DCDC1: variants seen among roughly 807,000 people sequenced by gnomAD.
DCDC1 encodes the protein doublecortin domain containing 1.
In DCDC1, 200 loss-of-function variants were observed where a neutral mutation model predicts 178.3. The ratio of observed to expected loss-of-function variants is 1.12; its 90% confidence interval spans 1.00 to 1.26. DCDC1 has a LOEUF of 1.26. Among genes scored for constraint, DCDC1 ranks in the 50% most tolerant of loss-of-function variants. The probability of loss-of-function intolerance (pLI) is 0.00; values close to 1 mark genes in which losing one functional copy is unlikely to be tolerated. For synonymous variants in DCDC1, 690 were observed against 604.8 expected, an observed-to-expected ratio of 1.14 and a Z score of -2.07; for missense variants, 1,983 against 1,749.2, an observed-to-expected ratio of 1.13 and a Z score of -2.38.
chr11:31,138,106 A>T (rs1963378793), intron 9 of DCDC1, among the ~76,000 whole-genome samples: 1 of 152,198 alleles, frequency 6.6e-6, no homozygotes, highest in Non-Finnish European at 1.5e-5. Flanking sequence ...TTTAAAAAAA[A>T]ATTAGGTTAA....
In DCDC1 at chr11:31,168,707, G is replaced by A. The variant is rs976738844; in HGVS notation, c.1222-30923C>T. Among the ~76,000 whole-genome samples the A allele has an allele frequency of 8.5e-5, 13 of 152,062 alleles. No individual in the cohort carries two copies. In the East Asian group the frequency reaches 1.9e-3, roughly 23 times the overall value. On this transcript the variant is annotated intron_variant, in intron 9 of 38. Coordinates refer to ENST00000684477, the MANE Select transcript of DCDC1 (RefSeq NM_001387274.1). ...CACTATAACTTAGTGGAATCTCTTCGTATCACTATGCCTCAGTTTTCTCAC... is the reference window on the plus strand; with the variant it reads ...CACTATAACTTAGTGGAATCTCTTCATATCACTATGCCTCAGTTTTCTCAC...
intron 20 of DCDC1, among the ~76,000 whole-genome samples, chr11:31,042,203 G>A (rs764071514): frequency 3.9e-5 from 6 of 152,192 alleles, no homozygotes; most frequent in African/African-American, 7.2e-5. Context: ...AACTATCTGA[G>A]TGGCCATAGA....
chr11:31,271,838 G>A (rs1209052288), intron 7 of DCDC1, among the ~76,000 whole-genome samples: 1 of 152,054 alleles, frequency 6.6e-6, no homozygotes, highest in East Asian at 1.9e-4. Context: ...CAGAGAGAGA[G>A]CTTCTGCAGG....
chr11:30,881,383 C>A, intron 36 of DCDC1, 75 bp from the exon 37 acceptor site: 1 of 1,524,824 alleles, frequency 6.6e-7, no homozygotes, highest in Non-Finnish European at 8.9e-7. Context: ...ACCAACTCTT[C>A]TGAGAAAACT....
chr11:31,061,748 C>A (rs1955933869), intron 20 of DCDC1, among the ~76,000 whole-genome samples: 2 of 152,008 alleles, frequency 1.3e-5, no homozygotes, highest in South Asian at 2.1e-4. Context: ...ATTAAAAATT[C>A]TTTTCTATCT....
intron 7 of DCDC1, among the ~76,000 whole-genome samples, chr11:31,266,440 T>C (rs1209418305): frequency 6.6e-6 from 1 of 152,212 alleles, no homozygotes; most frequent in Non-Finnish European, 1.5e-5. Flanking sequence ...TCAGGTAACC[T>C]GAGGCAGGTT....
At chr11:31,335,371 GC>G (rs968566480) in intron 2 of DCDC1, 75 bp downstream of exon 2, 1 of 152,256 alleles carries the variant, frequency 6.6e-6, no homozygotes, top group African/African-American at 2.4e-5. Context: ...GTGAGGCAAT[GC>G]CCCGCCCTGC....
In DCDC1 at chr11:31,265,487, A is replaced by G. The variant is rs2137109752; in HGVS notation, c.1054+20T>C. ...CTTTCAAAATATTATCAAATGGTTT[A>G]CAAAATCTTTGCCACTTACCTTTTG... On this transcript the variant is annotated intron_variant, in intron 8 of 38. Transcript: ENST00000684477. The G allele has an allele frequency of 7.6e-7, 1 of 1,309,112 alleles. No individual in the cohort carries two copies. The highest frequency in any genetic ancestry group is 2.8e-5 in the East Asian group (1 of 36,204). The allele number at this position is 1,309,112 out of a possible 1,614,324, so 81.1% of individuals were successfully genotyped here.
intron 21 of DCDC1, among the ~76,000 whole-genome samples, chr11:30,942,482 T>C (rs1486832635): frequency 6.6e-6 from 1 of 152,134 alleles, no homozygotes; most frequent in Non-Finnish European, 1.5e-5. Flanking sequence ...AGCTAATATA[T>C]CTCTTTCTTT....
chr11:30,908,954 C>A lies in DCDC1; in HGVS notation c.3910G>T (p.Asp1304Tyr). 1 of 1,594,136 alleles carries A rather than the reference C, an allele frequency of 6.3e-7. No homozygotes were observed. Among genetic ancestry groups the A allele is most frequent in the South Asian group, 1.1e-5 (1 of 87,292 alleles). ...TSSVIKEENI[D>Y]QPGYCYLSPD... ...AGGAAGGAACCACTTACTGGTTGAT[C>A]AATGTTTTCTTCTTTAATCACAGAT... The change falls in exon 29 of 39, where the codon GAT becomes TAT. Residue 1304 changes from aspartate to tyrosine, a missense_variant. Transcript: ENST00000684477.
chr11:31,054,028 A>G (rs1955430186), intron 20 of DCDC1, among the ~76,000 whole-genome samples: 1 of 152,114 alleles, frequency 6.6e-6, no homozygotes, highest in South Asian at 2.1e-4. Context: ...GAGGAAGTCA[A>G]ACTGTCACTG....
At chr11:31,358,528 G>A (rs1006438566) in intron 1 of DCDC1, among the ~76,000 whole-genome samples, 1 of 151,542 alleles carries the variant, frequency 6.6e-6, no homozygotes, top group Non-Finnish European at 1.5e-5. Context: ...ATAGGCATGG[G>A]CAAGGACTTC....
chr11:31,283,397 T>C (rs2137305911), intron 7 of DCDC1, among the ~76,000 whole-genome samples: 1 of 151,950 alleles, frequency 6.6e-6, no homozygotes, highest in East Asian at 1.9e-4. Context: ...TTTTTTGCAG[T>C]TAAGATATTG....
rs1950790463 is a variant in DCDC1 at position 31,345,928 on chromosome 11, G to A, written c.-124-10364C>T. 2.6e-5 allele frequency among the ~76,000 whole-genome samples: 4 copies of A among 152,138 alleles called. No individual in the cohort carries two copies. In the South Asian group the frequency reaches 6.2e-4, roughly 24 times the overall value. Reference sequence around the variant, plus strand: ...GTCCAGGCAATGCTTGTCATCATGAGATGAAAAGACAAAGGGAAGTTTATA... The same window carrying A: ...GTCCAGGCAATGCTTGTCATCATGAAATGAAAAGACAAAGGGAAGTTTATA... On this transcript the variant is annotated intron_variant, in intron 1 of 38. Coordinates refer to ENST00000684477, the MANE Select transcript of DCDC1 (RefSeq NM_001387274.1).
At chr11:31,288,984 C>T (rs1000021246) in intron 7 of DCDC1, among the ~76,000 whole-genome samples, 3 of 151,832 alleles carry the variant, frequency 2.0e-5, no homozygotes, top group Non-Finnish European at 4.4e-5. Flanking sequence ...GTTACTAAAT[C>T]ATGTTCTATC....
chr11:31,196,720 C>A (rs1970735651), intron 9 of DCDC1, among the ~76,000 whole-genome samples: 1 of 152,076 alleles, frequency 6.6e-6, no homozygotes, highest in Non-Finnish European at 1.5e-5. Flanking sequence ...CCACTCCAAA[C>A]CCACCATTCA....
chr11:31,246,218 G>A (rs574514080), intron 8 of DCDC1, among the ~76,000 whole-genome samples: 24 of 151,960 alleles, frequency 1.6e-4, no homozygotes, highest in African/African-American at 4.1e-4. Flanking sequence ...ATTAAGTCAC[G>A]CCAATTAAAT....
intron 20 of DCDC1, among the ~76,000 whole-genome samples, chr11:30,963,840 T>C (rs996413165): frequency 6.6e-6 from 1 of 152,136 alleles, no homozygotes; most frequent in African/African-American, 2.4e-5. Context: ...CCCCAGTCTT[T>C]TACATTTTCC....
At chr11:31,190,002 AT>A (rs1468317537) in intron 9 of DCDC1, among the ~76,000 whole-genome samples, 12 of 152,318 alleles carry the variant, frequency 7.9e-5, no homozygotes, top group African/African-American at 2.9e-4. Flanking sequence ...TGTTGGTCTT[AT>A]TCTCAGACAA....
Sources: gnomAD v4.1 joint callset for allele counts (sites outside exome capture counted in the v4.1 genomes callset) on GRCh38, gnomAD v4.1.1 for gene constraint, MANE v1.5 for transcripts, NCBI Gene and HGNC (gene_info 2026-07-23, HGNC 2026-07-21) for gene names.